The following DPYS variants were observed in gnomAD, a reference collection of about 807,000 sequenced individuals.
The protein encoded by DPYS is dihydropyrimidinase, also known as dihydropyrimidine amidohydrolase.
A neutral mutation model predicts 50.3 loss-of-function variants in DPYS; 39 were observed. That is an observed-to-expected ratio of 0.78 (90% CI 0.60 to 1.01). The LOEUF (loss-of-function observed/expected upper bound fraction) is 1.01, where lower values mean the gene tolerates loss of function less well. Among genes scored for constraint, DPYS ranks in the 50% least tolerant of loss-of-function variants. The pLI, the probability that DPYS is intolerant of heterozygous loss-of-function variation, is 0.00. For missense variants in DPYS, 659 were observed against 680.9 expected (o/e 0.97, Z 0.36); for synonymous variants, 245 against 250.7 (o/e 0.98, Z 0.22).
intron 4 of DPYS, among the ~76,000 whole-genome samples, chr8:104,430,357 G>A (rs1350532560): frequency 1.4e-5 from 2 of 140,682 alleles, no homozygotes; most frequent in Non-Finnish European, 3.1e-5. Context: ...ATGCAAATGA[G>A]GCCATCAAAA....
rs528098036 is a variant in DPYS, at chr8:104,401,890, A to G, written c.1236-8899T>C. On this transcript the variant is annotated intron_variant, in intron 7 of 9. Transcript: ENST00000351513. Reference sequence around the variant, plus strand: ...TGCACCCATCAATCTTCCACCCTCTATTGAGACTTCTACACCCGCCTCCTG... The same window carrying G: ...TGCACCCATCAATCTTCCACCCTCTGTTGAGACTTCTACACCCGCCTCCTG... 2.0e-5 allele frequency among the ~76,000 whole-genome samples: 3 copies of G among 152,304 alleles called. No individual in the cohort carries two copies. The South Asian group carries it at 6.2e-4, about 32-fold the overall frequency.
At chr8:104,400,718 G>A (rs956527765) in intron 7 of DPYS, among the ~76,000 whole-genome samples, 1 of 152,202 alleles carries the variant, frequency 6.6e-6, no homozygotes, top group Admixed American at 6.5e-5. Context: ...TATGAAAGAG[G>A]CACATCTTGC....
rs1004727814 is a variant in DPYS at position 104,392,971 on chromosome 8, T to G, written c.1256A>C (p.His419Pro). 6.2e-7 allele frequency: 1 copy of G among 1,614,196 alleles called. No individual in the cohort carries two copies. The highest frequency in any genetic ancestry group is 1.1e-5 in the South Asian group (1 of 91,086). Residue 419 changes from histidine to proline, a missense_variant, in exon 8 of 10, where the codon CAT becomes CCT. Coordinates refer to ENST00000351513, the MANE Select transcript of DPYS (RefSeq NM_001385.3). ...KGTRTISAKTHHQAVNFNIFE... is the reference protein window; with the variant it reads ...KGTRTISAKTPHQAVNFNIFE... Reference sequence around the variant, plus strand: ...AATGTTGAAGTTAACAGCCTGATGATGAGTTTTTGCTGAGATAGTCCTATA... The same window carrying G: ...AATGTTGAAGTTAACAGCCTGATGAGGAGTTTTTGCTGAGATAGTCCTATA...
chr8:104,460,540 C>G (rs1358745959), intron 1 of DPYS, among the ~76,000 whole-genome samples: 1 of 152,110 alleles, frequency 6.6e-6, no homozygotes, highest in East Asian at 1.9e-4. Flanking sequence ...TCAAATACTT[C>G]TTTATAGCAG....
chr8:104,417,134 A>T (rs530119699), intron 7 of DPYS, among the ~76,000 whole-genome samples: 13 of 152,308 alleles, frequency 8.5e-5, no homozygotes, highest in Admixed American at 2.6e-4. Context: ...ATAAATGAAA[A>T]TATGTCTGCT....
chr8:104,461,736 A>G (rs1429497102), intron 1 of DPYS, among the ~76,000 whole-genome samples: 1 of 152,166 alleles, frequency 6.6e-6, no homozygotes, highest in African/African-American at 2.4e-5. Context: ...ATATCCAGAG[A>G]CAGGCAGAAA....
chr8:104,422,833 C>G (rs978458451), intron 7 of DPYS, among the ~76,000 whole-genome samples: 1 of 152,126 alleles, frequency 6.6e-6, no homozygotes. Context: ...CTGGGCAGGC[C>G]CCTGCTGGGT....
At chr8:104,426,925 C>T (rs558325381) in intron 6 of DPYS, among the ~76,000 whole-genome samples, 1 of 152,276 alleles carries the variant, frequency 6.6e-6, no homozygotes, top group Non-Finnish European at 1.5e-5. Context: ...TCAGGCTGGG[C>T]ACGGTGGCTC....
intron 8 of DPYS, among the ~76,000 whole-genome samples, chr8:104,390,980 T>C (rs1811367488): frequency 6.6e-6 from 1 of 152,142 alleles, no homozygotes; most frequent in African/African-American, 2.4e-5. Flanking sequence ...TACCACCTAC[T>C]TGTCACCCAT....
At chr8:104,442,525 A>G (rs1813391675) in intron 4 of DPYS, among the ~76,000 whole-genome samples, 1 of 152,254 alleles carries the variant, frequency 6.6e-6, no homozygotes, top group African/African-American at 2.4e-5. Flanking sequence ...GGAAAAACCT[A>G]TAACTTTAAA....
intron 7 of DPYS, among the ~76,000 whole-genome samples, chr8:104,403,020 G>A (rs1294063533): frequency 6.6e-6 from 1 of 152,126 alleles, no homozygotes; most frequent in South Asian, 2.1e-4. Flanking sequence ...GCCGGCAATG[G>A]CTACCCTCTT....
At chr8:104,456,181 C>T (rs1459558708) in intron 1 of DPYS, among the ~76,000 whole-genome samples, 1 of 152,154 alleles carries the variant, frequency 6.6e-6, no homozygotes, top group Admixed American at 6.5e-5. Context: ...GTGTAGTAGG[C>T]TATACCATCT....
Position 104,466,968 on chromosome 8 carries a change from C to T in DPYS, c.-48G>A, listed in dbSNP as rs1814442834. 5 of 930,108 alleles carry T rather than the reference C, an allele frequency of 5.4e-6. No individual in the cohort carries two copies. In the African/African-American group the frequency reaches 7.2e-5, roughly 13 times the overall value. The allele number at this position is 930,108 out of a possible 1,614,324, so 57.6% of individuals were successfully genotyped here. ...ACTCGGCCCGGGCTGCGCGCAGGGG[C>T]TGGGTTGGGCGGGCCGGGCGGGCTT... On this transcript the variant is annotated 5_prime_UTR_variant, in exon 1 of 10. Coordinates refer to ENST00000351513, the MANE Select transcript of DPYS (RefSeq NM_001385.3).
At chr8:104,434,547 TA>T (rs1259282808) in intron 4 of DPYS, among the ~76,000 whole-genome samples, 1 of 152,218 alleles carries the variant, frequency 6.6e-6, no homozygotes, top group African/African-American at 2.4e-5. Context: ...GAGAACTTTT[TA>T]TTTTACAAAG....
At chr8:104,427,864 C>G in intron 6 of DPYS, 116 bp downstream of exon 6, 3 of 1,476,020 alleles carry the variant, frequency 2.0e-6, no homozygotes, top group Non-Finnish European at 2.8e-6. Context: ...AGTATCCTCC[C>G]TAGTAAAAAC....
At chr8:104,444,958 G>A (rs183865050) in intron 3 of DPYS, among the ~76,000 whole-genome samples, 328 of 152,272 alleles carry the variant, frequency 2.2e-3, no homozygotes, top group African/African-American at 7.6e-3. Context: ...CAAAAGATTT[G>A]AATAGAGATT....
At chr8:104,410,346 TC>T (rs1259966643) in intron 7 of DPYS, among the ~76,000 whole-genome samples, 9 of 152,100 alleles carry the variant, frequency 5.9e-5, no homozygotes, top group African/African-American at 2.2e-4. Context: ...TAGTCAGATT[TC>T]CCCAGCCGAC....
chr8:104,427,500 A>G (rs1379654255), intron 6 of DPYS, among the ~76,000 whole-genome samples: 2 of 151,782 alleles, frequency 1.3e-5, no homozygotes, highest in Non-Finnish European at 2.9e-5. Context: ...GTTGGTCTTG[A>G]ACTCCTGACC....
At chr8:104,424,637 C>T (rs1755570509) in intron 6 of DPYS, among the ~76,000 whole-genome samples, 2 of 152,094 alleles carry the variant, frequency 1.3e-5, no homozygotes, top group Admixed American at 6.5e-5. Flanking sequence ...CTAATTCTTC[C>T]CATTCATCCT....
Sources: allele counts gnomAD v4.1 joint callset (sites outside exome capture counted in the v4.1 genomes callset), GRCh38; gene constraint gnomAD v4.1.1; transcripts MANE v1.5; gene names NCBI Gene and HGNC (gene_info 2026-07-23, HGNC 2026-07-21).